The following CARMIL3 variants were observed in gnomAD, a reference collection of about 807,000 sequenced individuals.
The protein encoded by CARMIL3 is capping protein, Arp2/3 and myosin-I linker protein 3.
Under a neutral mutation model 180.8 loss-of-function variants are expected in CARMIL3, and 88 were observed. The ratio of observed to expected loss-of-function variants is 0.49; its 90% CI spans 0.41 to 0.58. CARMIL3 has a LOEUF of 0.58. CARMIL3 is among the 20% of genes least tolerant of loss of function. CARMIL3 has a pLI of 0.00. For synonymous variants in CARMIL3, 696 were observed against 714.5 expected, an observed-to-expected ratio of 0.97 and a Z score of 0.41; for missense variants, 1,548 against 1,787.0, an observed-to-expected ratio of 0.87 and a Z score of 2.41.
Position 24,059,983 on chromosome 14 carries a change from C to G in CARMIL3, c.1882C>G (p.Arg628Gly). 6.2e-7 allele frequency: 1 copy of G among 1,613,926 alleles called. No homozygotes were observed. The highest frequency in any genetic ancestry group is 8.5e-7 in the Non-Finnish European group (1 of 1,180,006). Reference sequence around the variant, plus strand: ...TGTGTCCCACAGCAACCACACGCTGCGCTTCATGTCCTTCCCCGTGAGCGA... The same window carrying G: ...TGTGTCCCACAGCAACCACACGCTGGGCTTCATGTCCTTCCCCGTGAGCGA... ...ARALESNHTL[R>G]FMSFPVSDIS... Residue 628 changes from arginine to glycine, a missense_variant, in exon 23 of 40, where the codon CGC becomes GGC. This residue lies in a region of CARMIL3 where 297 missense variants were observed against 415.9 expected (regional missense o/e 0.71). Coordinates refer to ENST00000342740, the MANE Select transcript of CARMIL3 (RefSeq NM_138360.4). The surrounding 1 kb of genome is among the most constrained non-coding windows in gnomAD (Gnocchi z 6.3).
chr14:24,068,357 A>C (rs2035812275), intron 36 of CARMIL3, among the ~76,000 whole-genome samples: 1 of 150,988 alleles, frequency 6.6e-6, no homozygotes, highest in Non-Finnish European at 1.5e-5. Flanking sequence ...AGATTGCACC[A>C]CTGTACTCCA....
At chr14:24,062,422 GGGGCCA>G in intron 27 of CARMIL3, 52 bp from the exon 28 acceptor site, 1 of 1,472,316 alleles carries the variant, frequency 6.8e-7, no homozygotes, top group Non-Finnish European at 9.5e-7. Context: ...GAGTGCCTCA[GGGGCCA>G]TGCGGGGGAC....
rs762345972 is a variant in CARMIL3 at position 24,064,231 on chromosome 14, C to T, written c.2980-15C>T. On this transcript the variant is annotated splice_polypyrimidine_tract_variant and intron_variant, in intron 31 of 39. Coordinates refer to ENST00000342740, the MANE Select transcript of CARMIL3 (RefSeq NM_138360.4). Reference sequence around the variant, plus strand: ...GACCTAGATGAGATGTCCCACGGGACTTTCCTCCCAGCAGATGCCAGCACC... The same window carrying T: ...GACCTAGATGAGATGTCCCACGGGATTTTCCTCCCAGCAGATGCCAGCACC... 1.0e-5 allele frequency: 16 copies of T among 1,600,504 alleles called. No individual in the cohort carries two copies. In the African/African-American group the frequency reaches 1.3e-4, roughly 13 times the overall value.
chr14:24,062,253 C>G, intron 27 of CARMIL3: 1 of 590,188 alleles, frequency 1.7e-6, no homozygotes, highest in Non-Finnish European at 3.0e-6. Flanking sequence ...ATTCCTCTTT[C>G]CCCACACATA....
chr14:24,055,684 C>A lies in CARMIL3; in HGVS notation c.682-17C>A. The A allele has an allele frequency of 1.2e-6, 2 of 1,613,714 alleles. No homozygotes were observed. Among genetic ancestry groups the A allele is most frequent in the Non-Finnish European group, 1.7e-6 (2 of 1,179,692 alleles). On this transcript the variant is annotated splice_polypyrimidine_tract_variant and intron_variant, in intron 9 of 39. Coordinates refer to ENST00000342740, the MANE Select transcript of CARMIL3 (RefSeq NM_138360.4). ...CCCCCCTTGGCCCCTGATCACAAGA[C>A]CCCCCTCTGTCCTCAGGGCTCTGAA...
chr14:24,057,841 C>G lies in CARMIL3; in HGVS notation c.1179C>G (p.Leu393=). The G allele has an allele frequency of 6.2e-7, 1 of 1,612,138 alleles. No individual in the cohort carries two copies. Among genetic ancestry groups the G allele is most frequent in the Non-Finnish European group, 8.5e-7 (1 of 1,179,880 alleles). Residue 393 remains leucine (L), a synonymous_variant, in exon 15 of 40, where the codon CTC becomes CTG. Coordinates refer to ENST00000342740, the MANE Select transcript of CARMIL3 (RefSeq NM_138360.4). ...GALLHGCCSH[L]TYLNLARNSC... is the part of the protein sequence containing the mutation. The stretch of plus-strand genomic sequence containing the variant: ...TGCTCCACGGCTGCTGCTCCCACCT[C>G]ACCTACCTCAACCTGGCTCGCAACA...
Position 24,056,644 on chromosome 14 carries a change from G to A in CARMIL3, c.888G>A (p.Gln296=). 1 of 1,613,886 alleles carries A rather than the reference G, an allele frequency of 6.2e-7. No homozygotes were observed. Among genetic ancestry groups the A allele is most frequent in the Non-Finnish European group, 8.5e-7 (1 of 1,180,024 alleles). ...EDKGFLSLSQ[Q]LLCFPSGLTK... ...CAGGTTTTCTCAGTCTGAGCCAGCA[G>A]CTCCTCTGCTTCCCCTCTGGCCTCA... Residue 296 remains glutamine (Q), a synonymous_variant, in exon 12 of 40, where the codon CAG becomes CAA. Transcript: ENST00000342740.
chr14:24,058,535 C>A lies in CARMIL3; in HGVS notation c.1393-145C>A. On this transcript the variant is annotated intron_variant, in intron 17 of 39. Transcript: ENST00000342740. The surrounding 1 kb of genome is among the most constrained non-coding windows in gnomAD (Gnocchi z 6.4). ...AGGGAAGCCAGCTCTAGGGAAGGAT[C>A]TGGTGTGGGGAAAGAGTCTCCCTGA... 1 of 692,876 alleles carries A rather than the reference C, an allele frequency of 1.4e-6. No homozygotes were observed. Among genetic ancestry groups the A allele is most frequent in the Non-Finnish European group, 2.4e-6 (1 of 413,198 alleles). The allele number at this position is 692,876 out of a possible 1,614,324, so 42.9% of individuals were successfully genotyped here. A position where few individuals can be genotyped will look rare whatever the true frequency, so the allele number is the denominator to read the frequency against.
intron 14 of CARMIL3, 134 bp from the exon 15 acceptor site, chr14:24,057,669 C>G: frequency 4.1e-6 from 3 of 736,258 alleles, no homozygotes; most frequent in Non-Finnish European, 6.8e-6. Flanking sequence ...GTGGGCATCT[C>G]CAGTGGAGCT....
chr14:24,061,386 G>C lies in CARMIL3; in HGVS notation c.2305-111G>C. 8.9e-7 allele frequency: 1 copy of C among 1,122,472 alleles called. No homozygotes were observed. Among genetic ancestry groups the C allele is most frequent in the Non-Finnish European group, 1.3e-6 (1 of 797,166 alleles). The allele number at this position is 1,122,472 out of a possible 1,614,324, so 69.5% of individuals were successfully genotyped here. On this transcript the variant is annotated intron_variant, in intron 26 of 39. Coordinates refer to ENST00000342740, the MANE Select transcript of CARMIL3 (RefSeq NM_138360.4). The surrounding 1 kb of genome is among the most constrained non-coding windows in gnomAD (Gnocchi z 4.1). The stretch of plus-strand genomic sequence containing the variant: ...CACTAACAGTTTTGTGACTTAGGCA[G>C]GTCCCTCAGTCTCAGCAGGAGGGGC...
Position 24,054,698 on chromosome 14 carries a change from G to C in CARMIL3, c.363-13G>C. 1.2e-6 allele frequency: 2 copies of C among 1,611,948 alleles called. No individual in the cohort carries two copies. The highest frequency in any genetic ancestry group is 1.7e-6 in the Non-Finnish European group (2 of 1,178,464). ...TTTCCAGCCCTCTCTGGAATGACTT[G>C]TTTCTTTTCCAGGTGTTTGATCCGG... On this transcript the variant is annotated splice_polypyrimidine_tract_variant and intron_variant, in intron 5 of 39. Transcript: ENST00000342740. The surrounding 1 kb of genome is among the most constrained non-coding windows in gnomAD (Gnocchi z 5.1).
Position 24,059,930 on chromosome 14 carries a change from C to G in CARMIL3, c.1869-40C>G, listed in dbSNP as rs2035714501. ...ACAGAGGAGGCAGGGGCCTCCCATC[C>G]TCACCTGTTCCCACCCAGCTGTGCC... is the stretch of plus-strand genomic sequence containing the variant. On this transcript the variant is annotated intron_variant, in intron 22 of 39. Coordinates refer to ENST00000342740, the MANE Select transcript of CARMIL3 (RefSeq NM_138360.4). The surrounding 1 kb of genome is among the most constrained non-coding windows in gnomAD (Gnocchi z 6.3). 6.2e-7 allele frequency: 1 copy of G among 1,609,176 alleles called. No individual in the cohort carries two copies. The highest frequency in any genetic ancestry group is 1.3e-5 in the African/African-American group (1 of 74,856).
chr14:24,069,540 G>A lies in CARMIL3; in HGVS notation c.*136G>A. On this transcript the variant is annotated 3_prime_UTR_variant, in exon 40 of 40. Coordinates refer to ENST00000342740, the MANE Select transcript of CARMIL3 (RefSeq NM_138360.4). ...AGACGGCAGGACCAGGCATGGGGGA[G>A]CTGGAGGCAGGGACTAGAACAGAGG... The A allele has an allele frequency of 8.6e-7, 1 of 1,164,524 alleles. No individual in the cohort carries two copies. The highest frequency in any genetic ancestry group is 1.2e-6 in the Non-Finnish European group (1 of 821,160). 72.1% of individuals were successfully genotyped at this position (1,164,524 alleles called of 1,614,324 possible). A position where few individuals can be genotyped will look rare whatever the true frequency, so the allele number is the denominator to read the frequency against.
In CARMIL3 at chr14:24,063,175, C is replaced by T. The variant is rs762475785; in HGVS notation, c.2762C>T (p.Ala921Val). 25 of 1,613,000 alleles carry T rather than the reference C, an allele frequency of 1.5e-5. No individual in the cohort carries two copies. Among genetic ancestry groups the T allele is most frequent in the Non-Finnish European group, 1.4e-5 (16 of 1,179,038 alleles). The part of the protein sequence containing the change: ...KRCRKIRPVS[A>V]FISGSPQDME... Reference sequence around the variant, plus strand: ...TGCCGCAAGATTCGGCCGGTGTCTGCCTTCATCAGTGAGTCTCCCAGCCTC... The same window carrying T: ...TGCCGCAAGATTCGGCCGGTGTCTGTCTTCATCAGTGAGTCTCCCAGCCTC... The change falls in exon 30 of 40, where the codon GCC becomes GTC. Residue 921 changes from alanine to valine, a missense_variant. Around this residue, in one of 4 missense-constraint regions of CARMIL3, gnomAD observed 668 missense variants for 687.8 expected, o/e 0.97. Coordinates refer to ENST00000342740, the MANE Select transcript of CARMIL3 (RefSeq NM_138360.4).
chr14:24,069,412 C>T lies in CARMIL3; in HGVS notation c.*8C>T, dbSNP rs1235970994. The T allele has an allele frequency of 1.2e-6, 2 of 1,614,152 alleles. No individual in the cohort carries two copies. The highest frequency in any genetic ancestry group is 1.3e-5 in the African/African-American group (1 of 75,030). On this transcript the variant is annotated 3_prime_UTR_variant, in exon 40 of 40. Transcript: ENST00000342740. The stretch of plus-strand genomic sequence containing the variant: ...GAGCCAGGAACAGACTGACAACTGC[C>T]ACAACACCCTCCTCAGCCCTCGACA...
intron 2 of CARMIL3, 72 bp downstream of exon 2, chr14:24,053,875 C>A: frequency 7.3e-7 from 1 of 1,378,172 alleles, no homozygotes; most frequent in Non-Finnish European, 1.0e-6. Context: ...GGGCAGGGAG[C>A]CGGGAGGACA....
chr14:24,061,734 A>C lies in CARMIL3; in HGVS notation c.2480+62A>C. The C allele has an allele frequency of 6.6e-7, 1 of 1,519,836 alleles. No individual in the cohort carries two copies. Among genetic ancestry groups the C allele is most frequent in the African/African-American group, 1.4e-5 (1 of 72,978 alleles). The allele number at this position is 1,519,836 out of a possible 1,614,324, so 94.1% of individuals were successfully genotyped here. ...TTTGGCCCAGATCACTTAGGGACTT[A>C]GGACTGGAGAGCTATCAGCAATGAA... is the stretch of plus-strand genomic sequence containing the variant. On this transcript the variant is annotated intron_variant, in intron 27 of 39. Coordinates refer to ENST00000342740, the MANE Select transcript of CARMIL3 (RefSeq NM_138360.4). The surrounding 1 kb of genome is among the most constrained non-coding windows in gnomAD (Gnocchi z 4.1).
Position 24,065,716 on chromosome 14 carries a change from G to C in CARMIL3, c.3491G>C (p.Arg1164Thr). 6.2e-7 allele frequency: 1 copy of C among 1,614,136 alleles called. No homozygotes were observed. Among genetic ancestry groups the C allele is most frequent in the Non-Finnish European group, 8.5e-7 (1 of 1,179,978 alleles). Reference sequence around the variant, plus strand: ...GGTGTTGCCCTTCCCGGGTTGGAAAGAGCCAAGGGTTGGAGCTTCGATGGG... The same window carrying C: ...GGTGTTGCCCTTCCCGGGTTGGAAACAGCCAAGGGTTGGAGCTTCGATGGG... ...VHGVALPGLE[R>T]AKGWSFDGKR... Residue 1164 changes from arginine to threonine, a missense_variant, in exon 34 of 40, where the codon AGA becomes ACA. Physicochemically the swap from Arg to Thr is moderately conservative, Grantham distance 71 (BLOSUM62 -1). Transcript: ENST00000342740.
Position 24,053,800 on chromosome 14 carries a change from G to T in CARMIL3, c.132G>T (p.Val44=), listed in dbSNP as rs1340944104. 11 of 1,611,264 alleles carry T rather than the reference G, an allele frequency of 6.8e-6. No homozygotes were observed. The highest frequency in any genetic ancestry group is 1.1e-5 in the South Asian group (1 of 90,562). Residue 44 remains valine, a synonymous_variant, in exon 2 of 40, where the codon GTG becomes GTT. Transcript: ENST00000342740. ...ETKPKKFEDR[V]LALTSWRLHL... ...AGCCCAAGAAGTTTGAGGACCGAGT[G>T]CTGGTGAGGGCACTGGGCATGTGGG...
Sources: allele counts gnomAD v4.1 joint callset (sites outside exome capture counted in the v4.1 genomes callset), GRCh38; gene constraint gnomAD v4.1.1; regional missense constraint gnomAD v4.1.1; non-coding constraint Gnocchi (gnomAD v3.1); transcripts MANE v1.5; gene names NCBI Gene and HGNC (gene_info 2026-07-23, HGNC 2026-07-21).